TSHZ2: variants seen among roughly 807,000 people sequenced by gnomAD.
The protein encoded by TSHZ2 is teashirt zinc finger homeobox 2, also known as teashirt homolog 2.
Under a neutral mutation model 74.4 loss-of-function variants are expected in TSHZ2, and 21 were observed. The ratio of observed to expected loss-of-function variants is 0.28; its 90% CI spans 0.20 to 0.41. TSHZ2 has a LOEUF of 0.41. Among genes scored for constraint, TSHZ2 ranks in the 10% least tolerant of loss-of-function variants. The pLI, the probability that TSHZ2 is intolerant of heterozygous loss-of-function variation, is 1.00. For missense variants in TSHZ2, 1,244 were observed against 1,293.5 expected (o/e 0.96, Z 0.59); for synonymous variants, 540 against 515.3 (o/e 1.05, Z -0.65).
At chr20:53,069,611 A>G (rs1456300369) in intron 1 of TSHZ2, among the ~76,000 whole-genome samples, 3 of 151,280 alleles carry the variant, frequency 2.0e-5, no homozygotes, top group South Asian at 2.1e-4. Flanking sequence ...TCCTGAGGGA[A>G]ACATTAGGAG....
chr20:53,229,949 GAAGA>G lies in TSHZ2; in HGVS notation c.41-23545_41-23542del, dbSNP rs1275242395. 2.7e-5 allele frequency among the ~76,000 whole-genome samples: 4 copies of G among 149,688 alleles called. No individual in the cohort carries two copies. The East Asian group carries it at 7.9e-4, about 30-fold the overall frequency. ...AGGAAGAGAAAGAAAAGAGAGGAAG[GAAGA>G]AAGAGAAAGAAGAAGGAAGAGAAAG... On this transcript the variant is annotated intron_variant, in intron 1 of 2. Transcript: ENST00000371497.
At chr20:53,028,846 C>A (rs1983539999) in intron 1 of TSHZ2, among the ~76,000 whole-genome samples, 1 of 152,120 alleles carries the variant, frequency 6.6e-6, no homozygotes, top group South Asian at 2.1e-4. Context: ...AGGACCCAGG[C>A]AAGTTACACA....
chr20:53,343,962 CA>C (rs1448661063), intron 2 of TSHZ2, among the ~76,000 whole-genome samples: 1 of 152,184 alleles, frequency 6.6e-6, no homozygotes, highest in Non-Finnish European at 1.5e-5. Context: ...TGACTAGTGG[CA>C]AAGTTTCACT....
chr20:53,298,181 A>C (rs1991416419), intron 2 of TSHZ2, among the ~76,000 whole-genome samples: 1 of 152,168 alleles, frequency 6.6e-6, no homozygotes, highest in African/African-American at 2.4e-5. Context: ...TTCATTGAAA[A>C]CCCACTATAC....
chr20:53,431,273 A>G (rs1983839812), intron 2 of TSHZ2, among the ~76,000 whole-genome samples: 1 of 152,028 alleles, frequency 6.6e-6, no homozygotes, highest in African/African-American at 2.4e-5. Context: ...CCTGGCCAGC[A>G]TGGCGAAACC....
chr20:53,087,639 G>C (rs923048319), intron 1 of TSHZ2, among the ~76,000 whole-genome samples: 14 of 152,210 alleles, frequency 9.2e-5, no homozygotes, highest in Non-Finnish European at 1.3e-4. Context: ...AGGTCTTACA[G>C]TTCTTGGTAA....
At chr20:53,342,950 CT>C (rs1980269794) in intron 2 of TSHZ2, among the ~76,000 whole-genome samples, 6 of 78,886 alleles carry the variant, frequency 7.6e-5, no homozygotes, top group Non-Finnish European at 1.6e-4. Flanking sequence ...CTTTTCTTTT[CT>C]TTTCTTTTTT....
intron 1 of TSHZ2, among the ~76,000 whole-genome samples, chr20:53,143,505 A>G (rs1237225887): frequency 1.3e-5 from 2 of 152,126 alleles, no homozygotes; most frequent in African/African-American, 2.4e-5. Context: ...CATCCTGGCT[A>G]ACACAGTGAA....
At chr20:53,207,677 A>AT (rs934114302) in intron 1 of TSHZ2, among the ~76,000 whole-genome samples, 1 of 145,526 alleles carries the variant, frequency 6.9e-6, no homozygotes, top group African/African-American at 2.8e-5. Flanking sequence ...TTTTTATTTT[A>AT]TTTTTTTATT....
At chr20:53,192,310 A>T (rs914789826) in intron 1 of TSHZ2, among the ~76,000 whole-genome samples, 5 of 152,140 alleles carry the variant, frequency 3.3e-5, no homozygotes, top group African/African-American at 7.2e-5. Context: ...AAAAAAAACA[A>T]AAAAACAACT....
chr20:53,140,621 A>G (rs1170042201), intron 1 of TSHZ2, among the ~76,000 whole-genome samples: 1 of 151,408 alleles, frequency 6.6e-6, no homozygotes, highest in Non-Finnish European at 1.5e-5. Context: ...TTCTTGGTTT[A>G]ATTTCTGATT....
At chr20:53,123,008 C>T (rs201175760) in intron 1 of TSHZ2, among the ~76,000 whole-genome samples, 76 of 152,298 alleles carry the variant, frequency 5.0e-4, no homozygotes, top group Admixed American at 1.0e-3. Context: ...CTTCCCTTCC[C>T]TGACATAAGA....
chr20:52,975,251 C>CTT (rs5841921), intron 1 of TSHZ2, among the ~76,000 whole-genome samples: 1 of 147,298 alleles, frequency 6.8e-6, no homozygotes, highest in Non-Finnish European at 1.5e-5. Context: ...GAAAATTACT[C>CTT]TTTTTTTTTT....
intron 1 of TSHZ2, among the ~76,000 whole-genome samples, chr20:53,038,430 A>G (rs963147180): frequency 2.0e-5 from 3 of 152,032 alleles, no homozygotes; most frequent in Admixed American, 6.5e-5. Flanking sequence ...GTCTACTCCT[A>G]CCAAGCACTG....
At chr20:53,455,047 T>C (rs930569776) in intron 2 of TSHZ2, among the ~76,000 whole-genome samples, 3 of 152,158 alleles carry the variant, frequency 2.0e-5, no homozygotes, top group African/African-American at 4.8e-5. Flanking sequence ...TTCTTGTCAG[T>C]TGGAGAGATA....
chr20:53,409,673 G>A (rs1379891578), intron 2 of TSHZ2, among the ~76,000 whole-genome samples: 1 of 152,084 alleles, frequency 6.6e-6, no homozygotes, highest in African/African-American at 2.4e-5. Context: ...ATGAAGATGA[G>A]ATGAACGCTT....
intron 1 of TSHZ2, among the ~76,000 whole-genome samples, chr20:53,039,567 T>C (rs931581601): frequency 6.6e-6 from 1 of 152,136 alleles, no homozygotes; most frequent in Non-Finnish European, 1.5e-5. Context: ...AGACAGATAC[T>C]AAGCAAAAGA....
intron 2 of TSHZ2, among the ~76,000 whole-genome samples, chr20:53,423,313 A>G (rs1423023582): frequency 2.6e-5 from 4 of 152,116 alleles, no homozygotes; most frequent in Non-Finnish European, 5.9e-5. Flanking sequence ...GAGCCCAGGA[A>G]GCAGAGGTTG....
intron 2 of TSHZ2, among the ~76,000 whole-genome samples, chr20:53,422,803 T>C (rs1213471273): frequency 6.6e-6 from 1 of 152,198 alleles, no homozygotes; most frequent in Non-Finnish European, 1.5e-5. Context: ...TAATCACCCC[T>C]GGATACACTG....
Sources: allele counts gnomAD v4.1 joint callset (sites outside exome capture counted in the v4.1 genomes callset), GRCh38; gene constraint gnomAD v4.1.1; transcripts MANE v1.5; gene names NCBI Gene and HGNC (gene_info 2026-07-23, HGNC 2026-07-21).